Variants in KCNAB2 observed in about 807,000 individuals in gnomAD.
KCNAB2 encodes the protein potassium voltage-gated channel subfamily A regulatory beta subunit 2.
A neutral mutation model predicts 63.6 loss-of-function variants in KCNAB2; 29 were observed. The observed-to-expected ratio is 0.46, with a 90% CI of 0.34 to 0.62. The LOEUF is 0.62. Among genes scored for constraint, KCNAB2 ranks in the 20% least tolerant of loss-of-function variants. The probability of loss-of-function intolerance (pLI) is 0.01; values close to 1 mark genes in which losing one functional copy is unlikely to be tolerated. For synonymous variants in KCNAB2, 222 were observed against 224.2 expected (o/e 0.99, Z 0.09); for missense variants, 359 against 563.9 (o/e 0.64, Z 3.68).
intron 1 of KCNAB2, among the ~76,000 whole-genome samples, chr1:6,009,873 CTT>C (rs202118090): frequency 7.9e-4 from 110 of 139,004 alleles, no homozygotes; most frequent in South Asian, 1.4e-3. Context: ...TTCTTTTTTT[CTT>C]TTTTTTTTTT....
At chr1:6,098,363 G>C in intron 15 of KCNAB2, 122 bp from the exon 16 acceptor site, 2 of 1,499,100 alleles carry the variant, frequency 1.3e-6, no homozygotes, top group Non-Finnish European at 1.8e-6. Context: ...ATGGAGCCCA[G>C]ATGTGATGGG....
At chr1:6,009,466 C>G (rs2100261004) in intron 1 of KCNAB2, among the ~76,000 whole-genome samples, 1 of 152,382 alleles carries the variant, frequency 6.6e-6, no homozygotes, top group South Asian at 2.1e-4. Context: ...TGCACGTCCC[C>G]TGTCTAGACC....
chr1:6,065,256 C>A (rs1222171577), intron 2 of KCNAB2, among the ~76,000 whole-genome samples: 4 of 152,250 alleles, frequency 2.6e-5, no homozygotes, highest in Non-Finnish European at 4.4e-5. Flanking sequence ...AGCGCCTGCC[C>A]AGGCCTCAGG....
chr1:6,055,688 GGTT>G (rs901742341), intron 2 of KCNAB2, among the ~76,000 whole-genome samples: 21 of 152,150 alleles, frequency 1.4e-4, no homozygotes, highest in Admixed American at 6.5e-4. Context: ...ATGGGCCAGA[GGTT>G]GTTGTTACAC....
rs534733267 is a variant in KCNAB2, at chr1:6,005,793, C to T, written c.-53+13005C>T. 1.0e-3 allele frequency among the ~76,000 whole-genome samples: 157 copies of T among 151,990 alleles called. 3 individuals are homozygous for T. The South Asian group carries it at 0.022, about 21-fold the overall frequency. On this transcript the variant is annotated intron_variant, in intron 1 of 16. Coordinates refer to the KCNAB2 transcript ENST00000341524. ...ATGGGGGTCTCCCTGCCCAGGATGCCGGCCGGAGTTTCCCCTGGCAGGGAC... is the reference window on the plus strand; with the variant it reads ...ATGGGGGTCTCCCTGCCCAGGATGCTGGCCGGAGTTTCCCCTGGCAGGGAC...
In KCNAB2 at chr1:6,085,566, G is replaced by A. The variant is rs1201261527; in HGVS notation, c.425+318G>A. 4.6e-5 allele frequency among the ~76,000 whole-genome samples: 7 copies of A among 152,318 alleles called. No homozygotes were observed. The South Asian group carries it at 1.2e-3, about 27-fold the overall frequency. ...TGTCAGGCCAAAAAGAGCTTGGCGT[G>A]AGAACGGGCCTGGGTACAGCAAAGG... is the stretch of plus-strand genomic sequence containing the variant. On this transcript the variant is annotated intron_variant, in intron 6 of 15. Transcript: ENST00000378083.
At chr1:6,056,210 A>T (rs1661810469) in intron 2 of KCNAB2, among the ~76,000 whole-genome samples, 1 of 151,824 alleles carries the variant, frequency 6.6e-6, no homozygotes, top group East Asian at 1.9e-4. Flanking sequence ...ATGCCCGGCT[A>T]TTTTTTGTAT....
chr1:6,097,760 A>C, intron 15 of KCNAB2: 1 of 432,802 alleles, frequency 2.3e-6, no homozygotes, highest in Non-Finnish European at 4.1e-6. Flanking sequence ...TTCCACCAGC[A>C]GGAAGAGTTG....
chr1:6,085,262 T>C lies in KCNAB2; in HGVS notation c.425+14T>C, dbSNP rs1377327398. On this transcript the variant is annotated intron_variant, in intron 6 of 15. Coordinates refer to ENST00000378083, the MANE Select transcript of KCNAB2 (RefSeq NM_001199862.2). ...GAAAGGATGGAGGTAACGGCCCTGC[T>C]CTCTGCGGCCTGTCCCTGGGGTGGG... is the stretch of plus-strand genomic sequence containing the variant. 3 of 1,612,840 alleles carry C rather than the reference T, an allele frequency of 1.9e-6. No individual in the cohort carries two copies. Among genetic ancestry groups the C allele is most frequent in the Non-Finnish European group, 2.5e-6 (3 of 1,178,868 alleles).
intron 1 of KCNAB2, among the ~76,000 whole-genome samples, chr1:6,004,530 T>G (rs116134842): frequency 0.019 from 2,960 of 152,178 alleles, 103 homozygotes; most frequent in African/African-American, 0.068. Context: ...CAGGCCTCGC[T>G]CCTGGTTCCT....
intron 2 of KCNAB2, among the ~76,000 whole-genome samples, chr1:6,062,704 AAAG>A (rs1662420891): frequency 6.6e-6 from 1 of 152,238 alleles, no homozygotes. Context: ...CTCCGAGTTC[AAAG>A]GCAGAGAAAC....
chr1:6,048,249 G>C (rs566949077), intron 1 of KCNAB2, among the ~76,000 whole-genome samples: 1 of 152,320 alleles, frequency 6.6e-6, no homozygotes, highest in African/African-American at 2.4e-5. Flanking sequence ...CGCCCTGCCT[G>C]CTGGCCCCTG....
chr1:6,048,760 G>A (rs1570953454), intron 1 of KCNAB2, among the ~76,000 whole-genome samples: 1 of 152,342 alleles, frequency 6.6e-6, no homozygotes, highest in Middle Eastern at 3.4e-3. Flanking sequence ...GGGAAGTGAG[G>A]GTTGGCCCCC....
exon 1 of KCNAB2, chr1:6,034,459 T>C (rs1257209618): frequency 6.6e-6 from 1 of 152,318 alleles, no homozygotes. Context: ...CGTCTGTGGC[T>C]GCAGGCTGGA....
At chr1:6,021,392 T>C (rs1214206701) in intron 1 of KCNAB2, among the ~76,000 whole-genome samples, 1 of 152,246 alleles carries the variant, frequency 6.6e-6, no homozygotes, top group Non-Finnish European at 1.5e-5. Flanking sequence ...GAAGTTTCTT[T>C]TTCTTTTTCT....
rs1447684416 is a variant in KCNAB2, at chr1:6,087,324, G to A, written c.426-143G>A. 1 of 868,694 alleles carries A rather than the reference G, an allele frequency of 1.2e-6. No homozygotes were observed. Among genetic ancestry groups the A allele is most frequent in the Non-Finnish European group, 1.9e-6 (1 of 517,410 alleles). The allele number at this position is 868,694 out of a possible 1,614,324, so 53.8% of individuals were successfully genotyped here. A position where few individuals can be genotyped will look rare whatever the true frequency, so the allele number is the denominator to read the frequency against. On this transcript the variant is annotated intron_variant, in intron 6 of 15. Coordinates refer to ENST00000378083, the MANE Select transcript of KCNAB2 (RefSeq NM_001199862.2). The surrounding 1 kb of genome is among the most constrained non-coding windows in gnomAD (Gnocchi z 6.4). ...GGGCACGTGGTACACATCATATGAT[G>A]GAGAAGTGCCCATTTCATGCCCCAG...
At chr1:6,041,587 C>A (rs1660502494), upstream of KCNAB2, 2 of 550,272 alleles carry the variant, frequency 3.6e-6, no homozygotes. Context: ...GGAAGGAGCC[C>A]TTGGTGTCCA....
rs972565874 is a variant in KCNAB2, at chr1:6,071,371, T to G, written c.219-1384T>G. 6.6e-6 allele frequency among the ~76,000 whole-genome samples: 1 copy of G among 152,214 alleles called. No individual in the cohort carries two copies. The highest frequency in any genetic ancestry group is 2.4e-5 in the African/African-American group (1 of 41,474). On this transcript the variant is annotated intron_variant, in intron 2 of 15. Transcript: ENST00000378083. This position sits in a 1 kb window ranked among gnomAD's most constrained non-coding sequence, Gnocchi z 8.5. The stretch of plus-strand genomic sequence containing the variant: ...AACCAGCTGCCCCTTGACCAGATGC[T>G]GGCAGCTGGATTCCACAAGGGAAGT...
Position 6,096,452 on chromosome 1 carries a change from C to A in KCNAB2, c.949-184C>A, listed in dbSNP as rs891851675. 7 of 768,662 alleles carry A rather than the reference C, an allele frequency of 9.1e-6. No homozygotes were observed. In the South Asian group the frequency reaches 1.2e-4, roughly 13 times the overall value. The allele number at this position is 768,662 out of a possible 1,614,324, so 47.6% of individuals were successfully genotyped here. On this transcript the variant is annotated intron_variant, in intron 13 of 15. Transcript: ENST00000378083. The surrounding 1 kb of genome is among the most constrained non-coding windows in gnomAD (Gnocchi z 5.9). Reference sequence around the variant, plus strand: ...CGCTCATCCACCAGCCCGTGCCCGGCCCACTGCCCACTCTCCCCTACTTGA... The same window carrying A: ...CGCTCATCCACCAGCCCGTGCCCGGACCACTGCCCACTCTCCCCTACTTGA...
Sources: gnomAD v4.1 joint callset for allele counts (sites outside exome capture counted in the v4.1 genomes callset) on GRCh38, gnomAD v4.1.1 for gene constraint, Gnocchi (gnomAD v3.1) non-coding constraint, MANE v1.5 for transcripts, NCBI Gene and HGNC (gene_info 2026-07-23, HGNC 2026-07-21) for gene names.